Variants in PRPF39 observed in about 807,000 individuals in gnomAD.
The protein encoded by PRPF39 is pre-mRNA-processing factor 39.
PRPF39 carries 27 observed loss-of-function variants against 82.1 expected under a neutral mutation model. The ratio of observed to expected loss-of-function variants is 0.33; its 90% confidence interval spans 0.24 to 0.45. The LOEUF is 0.45. Among genes scored for constraint, PRPF39 ranks in the 20% least tolerant of loss-of-function variants. PRPF39 has a pLI of 1.00. For synonymous variants in PRPF39, 261 were observed against 256.4 expected (o/e 1.02, Z -0.17); for missense variants, 581 against 796.9 (o/e 0.73, Z 3.26).
chr14:45,100,206 G>C (rs1268191376), intron 4 of PRPF39, among the ~76,000 whole-genome samples: 1 of 152,022 alleles, frequency 6.6e-6, no homozygotes, highest in East Asian at 1.9e-4. Context: ...CTCCAGCCTG[G>C]GTGACAGAGC....
chr14:45,114,958 A>G lies in PRPF39; in HGVS notation c.*45A>G, dbSNP rs780946008. On this transcript the variant is annotated 3_prime_UTR_variant, in exon 14 of 14. Coordinates refer to ENST00000355765, the MANE Select transcript of PRPF39 (RefSeq NM_017922.4). ...AAATGCAGTGTGTGAAAAGTATGAA[A>G]TTATTATTTTTTTTAATGAGGGATG... 2 of 1,476,668 alleles carry G rather than the reference A, an allele frequency of 1.4e-6. No individual in the cohort carries two copies. Among genetic ancestry groups the G allele is most frequent in the Non-Finnish European group, 1.9e-6 (2 of 1,057,636 alleles). 91.5% of individuals were successfully genotyped at this position (1,476,668 alleles called of 1,614,324 possible).
chr14:45,098,461 A>AAG (rs200689766), intron 4 of PRPF39, among the ~76,000 whole-genome samples: 1 of 150,988 alleles, frequency 6.6e-6, no homozygotes, highest in African/African-American at 2.4e-5. Context: ...AAAAAAAAAA[A>AAG]AGAGAGAGAG....
chr14:45,107,592 T>A lies in PRPF39; in HGVS notation c.879T>A (p.Ile293=). The part of the protein sequence containing the change: ...GPPGDDLPSG[I]EDITDPAKLI... ...CTGGTGATGATCTACCATCGGGAAT[T>A]GAAGACATAACCGATCCTGCAAAGG... The change falls in exon 6 of 14, where the codon ATT becomes ATA. Residue 293 remains isoleucine (I), a synonymous_variant. Coordinates refer to ENST00000355765, the MANE Select transcript of PRPF39 (RefSeq NM_017922.4). 1 of 1,552,326 alleles carries A rather than the reference T, an allele frequency of 6.4e-7. No homozygotes were observed. Among genetic ancestry groups the A allele is most frequent in the Non-Finnish European group, 8.7e-7 (1 of 1,147,076 alleles).
intron 1 of PRPF39, among the ~76,000 whole-genome samples, chr14:45,088,893 A>G (rs949198082): frequency 6.6e-6 from 1 of 152,228 alleles, no homozygotes; most frequent in Non-Finnish European, 1.5e-5. Flanking sequence ...CACTGTGCTA[A>G]AATTTTTTTC....
rs753714085 is a variant in PRPF39, at chr14:45,114,495, T to G, written c.1834T>G (p.Ser612Ala). 1.3e-6 allele frequency: 2 copies of G among 1,572,592 alleles called. No individual in the cohort carries two copies. Among genetic ancestry groups the G allele is most frequent in the East Asian group, 4.5e-5 (2 of 44,452 alleles). ...DSLKRKAENG[S>A]EEPEEKKAHT... ...TTTCCATTCTGACGTTTTATATAGA[T>G]CAGAAGAACCAGAGGAAAAGAAAGC... Residue 612 changes from serine (S) to alanine (A), a missense_variant and splice_region_variant, in exon 13 of 14, where the codon TCA becomes GCA. By Grantham distance (99) the Ser-to-Ala change is moderately conservative. Coordinates refer to ENST00000355765, the MANE Select transcript of PRPF39 (RefSeq NM_017922.4).
chr14:45,092,960 CA>C (rs1272011015), intron 1 of PRPF39, among the ~76,000 whole-genome samples: 1 of 151,146 alleles, frequency 6.6e-6, no homozygotes, highest in Admixed American at 6.6e-5. Flanking sequence ...AAAAAAATAA[CA>C]AAAAACTTCT....
At chr14:45,113,428 A>G (rs914539337) in intron 11 of PRPF39, among the ~76,000 whole-genome samples, 2 of 152,142 alleles carry the variant, frequency 1.3e-5, no homozygotes, top group Non-Finnish European at 2.9e-5. Context: ...GAGATTAGGC[A>G]TTTTTTCTGA....
chr14:45,102,639 C>A lies in PRPF39; in HGVS notation c.680C>A (p.Ala227Asp). Residue 227 changes from alanine to aspartate, a missense_variant, in exon 5 of 14, where the codon GCT (alanine) becomes GAT (aspartate). Transcript: ENST00000355765. The stretch of plus-strand genomic sequence containing the variant: ...CAGGGAAACCTGAGAGAAGTTACAG[C>A]TATATATGATCGTATTCTTGGTATT... ...NEQGNLREVTAIYDRILGIPT... is the reference protein window; with the variant it reads ...NEQGNLREVTDIYDRILGIPT... 6.2e-7 allele frequency: 1 copy of A among 1,611,710 alleles called. No individual in the cohort carries two copies. The highest frequency in any genetic ancestry group is 1.1e-5 in the South Asian group (1 of 90,814).
At chr14:45,094,165 T>C (rs1043825713) in intron 1 of PRPF39, among the ~76,000 whole-genome samples, 1 of 152,120 alleles carries the variant, frequency 6.6e-6, no homozygotes, top group African/African-American at 2.4e-5. Context: ...AGTAAATCAG[T>C]TTTATGGTCT....
intron 10 of PRPF39, among the ~76,000 whole-genome samples, chr14:45,111,540 C>T (rs1884696075): frequency 6.6e-6 from 1 of 150,450 alleles, no homozygotes; most frequent in Non-Finnish European, 1.5e-5. Context: ...CTATGTTGGT[C>T]AGGCTGATCT....
At chr14:45,114,057 A>G in intron 11 of PRPF39, 126 bp from the exon 12 acceptor site, 6 of 648,260 alleles carry the variant, frequency 9.3e-6, no homozygotes, top group East Asian at 3.0e-5. Context: ...TAGTAGTAGA[A>G]ATTTTAAAAA....
At chr14:45,095,121 T>A (rs1379348517) in intron 1 of PRPF39, 100 bp from the exon 2 acceptor site, 1 of 688,962 alleles carries the variant, frequency 1.5e-6, no homozygotes, top group Non-Finnish European at 2.4e-6. Context: ...CATTAATATT[T>A]CTTTAATAGC....
At chr14:45,114,652 T>A in intron 13 of PRPF39, 38 bp downstream of exon 13, 1 of 1,577,772 alleles carries the variant, frequency 6.3e-7, no homozygotes, top group Non-Finnish European at 8.6e-7. Flanking sequence ...TTCATAGATG[T>A]TATTAGCATA....
intron 1 of PRPF39, among the ~76,000 whole-genome samples, chr14:45,084,837 T>C (rs1346006172): frequency 6.6e-5 from 10 of 152,224 alleles, no homozygotes; most frequent in African/African-American, 2.4e-5. Context: ...ACTTTGGTAA[T>C]CAGAGACCAC....
At chr14:45,106,937 T>C (rs2139060046) in intron 5 of PRPF39, among the ~76,000 whole-genome samples, 1 of 152,310 alleles carries the variant, frequency 6.6e-6, no homozygotes, top group Non-Finnish European at 1.5e-5. Context: ...TTTTGCGTAC[T>C]CACATGTGGA....
At chr14:45,096,413 T>C in intron 3 of PRPF39, 185 bp downstream of exon 3, 1 of 1,505,650 alleles carries the variant, frequency 6.6e-7, no homozygotes. Flanking sequence ...ATTTTCTCTC[T>C]TTGTTGGCAG....
At chr14:45,111,930 G>A (rs1244513583) in intron 10 of PRPF39, among the ~76,000 whole-genome samples, 1 of 151,996 alleles carries the variant, frequency 6.6e-6, no homozygotes, top group Non-Finnish European at 1.5e-5. Context: ...GAGCCACCAC[G>A]CCCGGTTAAG....
chr14:45,113,568 T>C (rs906056727), intron 11 of PRPF39, among the ~76,000 whole-genome samples: 1 of 152,194 alleles, frequency 6.6e-6, no homozygotes, highest in African/African-American at 2.4e-5. Context: ...AAAGATGAGA[T>C]ATGTAATTCT....
intron 4 of PRPF39, among the ~76,000 whole-genome samples, chr14:45,098,992 A>T (rs1030856711): frequency 6.6e-6 from 1 of 152,180 alleles, no homozygotes; most frequent in Non-Finnish European, 1.5e-5. Context: ...CTTTGAAGGC[A>T]TTATTTATTC....
Sources: allele counts gnomAD v4.1 joint callset (sites outside exome capture counted in the v4.1 genomes callset), GRCh38; gene constraint gnomAD v4.1.1; transcripts MANE v1.5; gene names NCBI Gene and HGNC (gene_info 2026-07-23, HGNC 2026-07-21).